RANBP3L: variants seen among roughly 807,000 people sequenced by gnomAD.
RANBP3L encodes the protein ran-binding protein 3-like.
Under a neutral mutation model 67.2 loss-of-function variants are expected in RANBP3L, and 56 were observed. The observed-to-expected ratio is 0.83, with a 90% CI of 0.67 to 1.04. The LOEUF (loss-of-function observed/expected upper bound fraction) is 1.04, where lower values mean the gene tolerates loss of function less well. Among genes scored for constraint, RANBP3L ranks in the 50% least tolerant of loss-of-function variants. RANBP3L has a pLI of 0.00. For synonymous variants in RANBP3L, 164 were observed against 181.4 expected (o/e 0.90, Z 0.77); for missense variants, 496 against 535.5 (o/e 0.93, Z 0.73).
intron 1 of RANBP3L, among the ~76,000 whole-genome samples, chr5:36,280,284 A>C (rs923592277): frequency 6.6e-6 from 1 of 152,134 alleles, no homozygotes; most frequent in Non-Finnish European, 1.5e-5. Flanking sequence ...GCAGGACCAA[A>C]CCCTTGAAAA....
intron 4 of RANBP3L, 136 bp from the exon 5 acceptor site, chr5:36,265,656 T>G (rs114627222): frequency 1.8e-4 from 86 of 480,472 alleles, no homozygotes; most frequent in African/African-American, 1.6e-3. Flanking sequence ...GGTAGTGCCC[T>G]CTGGAGCACT....
At chr5:36,290,822 C>T (rs1410742349) in intron 1 of RANBP3L, among the ~76,000 whole-genome samples, 3 of 147,652 alleles carry the variant, frequency 2.0e-5, no homozygotes, top group Non-Finnish European at 4.5e-5. Context: ...ACCTCTGCCT[C>T]CCGGGTTCAA....
intron 13 of RANBP3L, 61 bp from the exon 14 acceptor site, chr5:36,249,758 AT>A: frequency 1.2e-6 from 1 of 819,490 alleles, no homozygotes. Flanking sequence ...GATTTTTAAT[AT>A]TGAATGCAAC....
At chr5:36,299,202 G>T (rs1482265320) in intron 1 of RANBP3L, among the ~76,000 whole-genome samples, 1 of 152,092 alleles carries the variant, frequency 6.6e-6, no homozygotes, top group Non-Finnish European at 1.5e-5. Context: ...GGCTCTCCTT[G>T]CTCCTCAGTT....
intron 7 of RANBP3L, among the ~76,000 whole-genome samples, 163 bp from the exon 8 acceptor site, chr5:36,261,027 C>T (rs1422989804): frequency 6.6e-6 from 1 of 152,154 alleles, no homozygotes; most frequent in African/African-American, 2.4e-5. Flanking sequence ...CAGATAGTGG[C>T]ATCCAGAGGT....
At chr5:36,268,080 T>G in intron 4 of RANBP3L, 1 of 632,790 alleles carries the variant, frequency 1.6e-6, no homozygotes, top group Non-Finnish European at 2.5e-6. Flanking sequence ...AAGGCCTCTG[T>G]TTATTTCTAA....
intron 11 of RANBP3L, among the ~76,000 whole-genome samples, chr5:36,254,899 G>A (rs1464762773): frequency 6.6e-6 from 1 of 152,042 alleles, no homozygotes; most frequent in Non-Finnish European, 1.5e-5. Flanking sequence ...TCCAGCTTCT[G>A]AACATCACTG....
intron 1 of RANBP3L, among the ~76,000 whole-genome samples, chr5:36,295,673 GTT>G (rs11318481): frequency 0.01 from 1,250 of 120,528 alleles, 11 homozygotes; most frequent in Middle Eastern, 0.034. Context: ...GTTATATCCT[GTT>G]TTTTTTTTTT....
rs766413170 is a variant in RANBP3L at position 36,253,596 on chromosome 5, C to T, written c.1167+51G>A. The stretch of plus-strand genomic sequence containing the variant: ...GAAAAAACAAATTAGTAATTGCAGA[C>T]GTCTATTAATTTAGTAGGATAATCT... On this transcript the variant is annotated intron_variant, in intron 12 of 13. Transcript: ENST00000296604. 51 of 1,441,588 alleles carry T rather than the reference C, an allele frequency of 3.5e-5. 1 individual carries two copies. The highest frequency in any genetic ancestry group is 3.4e-4 in the South Asian group (29 of 85,008). The allele number at this position is 1,441,588 out of a possible 1,614,324, so 89.3% of individuals were successfully genotyped here.
intron 12 of RANBP3L, 23 bp from the exon 13 acceptor site, chr5:36,251,522 T>A: frequency 6.5e-7 from 1 of 1,550,152 alleles, no homozygotes; most frequent in Non-Finnish European, 8.7e-7. Flanking sequence ...CATTAAATTG[T>A]TAAGAAAATC....
intron 3 of RANBP3L, 24 bp from the exon 4 acceptor site, chr5:36,269,491 C>A: frequency 3.9e-6 from 5 of 1,294,246 alleles, no homozygotes; most frequent in Non-Finnish European, 5.6e-6. Flanking sequence ...AATGGAAAGG[C>A]TAAAATTACT....
rs1294693751 is a variant in RANBP3L, at chr5:36,253,771, C to T, written c.1043G>A (p.Ser348Asn). 1.1e-5 allele frequency: 18 copies of T among 1,613,016 alleles called. No individual in the cohort carries two copies. Among genetic ancestry groups the T allele is most frequent in the Non-Finnish European group, 1.5e-5 (18 of 1,179,202 alleles). The change falls in exon 12 of 14, where the codon AGT becomes AAT. Residue 348 changes from serine (S) to asparagine (N), a missense_variant. Ser to Asn is a conservative substitution (Grantham distance 46). Transcript: ENST00000296604. ...QSRLIMRNQGSLRLILNSKLW... is the reference protein window; with the variant it reads ...QSRLIMRNQGNLRLILNSKLW... ...TTTGCTGTTGAGGATCAGCCTTAGA[C>T]TGCCTTGATTGCGCATAACTAAAAT...
At chr5:36,256,551 A>C (rs566289013) in intron 10 of RANBP3L, among the ~76,000 whole-genome samples, 1 of 152,274 alleles carries the variant, frequency 6.6e-6, no homozygotes, top group Admixed American at 6.5e-5. Flanking sequence ...TGAAATTCTA[A>C]ACTTTTTTAG....
rs1263115291 is a variant in RANBP3L at position 36,248,287 on chromosome 5, A to G, written c.*1367T>C. 1.3e-5 allele frequency: 2 copies of G among 152,134 alleles called. No individual in the cohort carries two copies. The highest frequency in any genetic ancestry group is 2.9e-5 in the Non-Finnish European group (2 of 68,016). 9.4% of individuals were successfully genotyped at this position (152,134 alleles called of 1,614,324 possible). The stretch of plus-strand genomic sequence containing the variant: ...GCCATATTTCTTCTAGAATCACTGG[A>G]AGAATGAATGGGCCTCTCTTAGTAG... On this transcript the variant is annotated 3_prime_UTR_variant, in exon 14 of 14. Transcript: ENST00000296604.
intron 10 of RANBP3L, among the ~76,000 whole-genome samples, 173 bp from the exon 11 acceptor site, chr5:36,255,763 G>A (rs1281340275): frequency 2.0e-5 from 3 of 151,686 alleles, no homozygotes; most frequent in Non-Finnish European, 4.4e-5. Context: ...TATAACTTTC[G>A]GATAGTTCAA....
At chr5:36,288,421 A>G (rs940689875) in intron 1 of RANBP3L, among the ~76,000 whole-genome samples, 2 of 152,310 alleles carry the variant, frequency 1.3e-5, no homozygotes, top group African/African-American at 2.4e-5. Context: ...TGGGGCTCAT[A>G]TGAATAAAAT....
chr5:36,249,592 T>G lies in RANBP3L; in HGVS notation c.*62A>C. The G allele has an allele frequency of 1.3e-6, 1 of 784,212 alleles. No individual in the cohort carries two copies. The highest frequency in any genetic ancestry group is 2.1e-6 in the Non-Finnish European group (1 of 482,674). The allele number at this position is 784,212 out of a possible 1,614,324, so 48.6% of individuals were successfully genotyped here. On this transcript the variant is annotated 3_prime_UTR_variant, in exon 14 of 14. Coordinates refer to ENST00000296604, the MANE Select transcript of RANBP3L (RefSeq NM_145000.5). ...AGAATCTTCTCATTAGTTAGGGTGG[T>G]TTAGTATTTTCAGTAGGGTGACCCC... is the stretch of plus-strand genomic sequence containing the variant.
At chr5:36,272,645 G>GT (rs1750301770) in intron 1 of RANBP3L, among the ~76,000 whole-genome samples, 1 of 151,836 alleles carries the variant, frequency 6.6e-6, no homozygotes, top group African/African-American at 2.4e-5. Context: ...GTTTGTTTTT[G>GT]TTTTTTTGTG....
At chr5:36,284,794 A>C (rs967047011) in intron 1 of RANBP3L, among the ~76,000 whole-genome samples, 1 of 152,172 alleles carries the variant, frequency 6.6e-6, no homozygotes, top group African/African-American at 2.4e-5. Flanking sequence ...TATTTTTGCA[A>C]CTGTTTCTTT....
Sources: gnomAD v4.1 joint callset for allele counts (sites outside exome capture counted in the v4.1 genomes callset) on GRCh38, gnomAD v4.1.1 for gene constraint, MANE v1.5 for transcripts, NCBI Gene and HGNC (gene_info 2026-07-23, HGNC 2026-07-21) for gene names.